FHIP1A: variants seen among roughly 807,000 people sequenced by gnomAD.
The protein encoded by FHIP1A is FHF complex subunit HOOK-interacting protein 1A.
A neutral mutation model predicts 88.6 loss-of-function variants in FHIP1A; 61 were observed. The observed-to-expected ratio is 0.69, with a 90% CI of 0.56 to 0.85. The LOEUF is 0.85. Among genes scored for constraint, FHIP1A ranks in the 40% least tolerant of loss-of-function variants. The probability of loss-of-function intolerance (pLI) is 0.00; values close to 1 mark genes in which losing one functional copy is unlikely to be tolerated. For missense variants in FHIP1A, 1,154 were observed against 1,273.5 expected (o/e 0.91, Z 1.43); for synonymous variants, 478 against 496.0 (o/e 0.96, Z 0.48).
At chr4:151,632,241 T>G (rs1370073914) in intron 8 of FHIP1A, among the ~76,000 whole-genome samples, 1 of 151,836 alleles carries the variant, frequency 6.6e-6, no homozygotes, top group African/African-American at 2.4e-5. Flanking sequence ...AATTCACTAG[T>G]AAGATATAAA....
Position 151,664,900 on chromosome 4 carries a change from G to T in FHIP1A, c.*2146G>T, listed in dbSNP as rs535043157. 6.6e-6 allele frequency among the ~76,000 whole-genome samples: 1 copy of T among 152,180 alleles called. No homozygotes were observed. Among genetic ancestry groups the T allele is most frequent in the South Asian group, 2.1e-4 (1 of 4,810 alleles). On this transcript the variant is annotated 3_prime_UTR_variant, in exon 14 of 14. Transcript: ENST00000435205. ...ATTGTAGAATACCATGGTCCCCTTT[G>T]TGGAAAGTTTCCTTTGGGAAAAGAT...
intron 1 of FHIP1A, among the ~76,000 whole-genome samples, chr4:151,440,521 A>C (rs1039190006): frequency 1.3e-5 from 2 of 152,108 alleles, no homozygotes; most frequent in Non-Finnish European, 2.9e-5. Flanking sequence ...TCCACCAATG[A>C]CACTACCTCC....
chr4:151,464,604 C>T (rs910661012), intron 2 of FHIP1A, among the ~76,000 whole-genome samples: 1 of 152,172 alleles, frequency 6.6e-6, no homozygotes, highest in African/African-American at 2.4e-5. Flanking sequence ...AACAAAACTG[C>T]TCCAAGTTCT....
intron 9 of FHIP1A, among the ~76,000 whole-genome samples, chr4:151,645,308 T>C (rs1480393412): frequency 5.3e-5 from 8 of 152,104 alleles, no homozygotes; most frequent in African/African-American, 1.9e-4. Context: ...ATATCATACC[T>C]GGAAAGTATT....
chr4:151,476,161 ATTTTT>A (rs564671344), intron 2 of FHIP1A, among the ~76,000 whole-genome samples: 5 of 111,520 alleles, frequency 4.5e-5, no homozygotes, highest in South Asian at 3.1e-4. Flanking sequence ...TGCTCGGCCG[ATTTTT>A]TTTTTTTTTT....
chr4:151,592,303 T>C (rs926014810), intron 7 of FHIP1A, among the ~76,000 whole-genome samples: 2 of 151,984 alleles, frequency 1.3e-5, no homozygotes, highest in African/African-American at 2.4e-5. Context: ...CCTGGCTAAT[T>C]TTTTGTATTT....
chr4:151,551,533 A>G (rs1732733079), intron 3 of FHIP1A, among the ~76,000 whole-genome samples: 2 of 152,180 alleles, frequency 1.3e-5, no homozygotes, highest in Admixed American at 1.3e-4. Flanking sequence ...AACACCACAC[A>G]TCTACAACCA....
intron 7 of FHIP1A, among the ~76,000 whole-genome samples, chr4:151,612,860 C>T (rs1489057175): frequency 6.6e-6 from 1 of 152,190 alleles, no homozygotes; most frequent in Non-Finnish European, 1.5e-5. Flanking sequence ...CACATGGAAT[C>T]CTTTTTATCA....
chr4:151,592,453 A>G (rs1276694031), intron 7 of FHIP1A, among the ~76,000 whole-genome samples: 1 of 152,206 alleles, frequency 6.6e-6, no homozygotes, highest in East Asian at 1.9e-4. Context: ...CTTTTTAATG[A>G]TTGCCATTCT....
chr4:151,642,835 T>C (rs1736640570), intron 9 of FHIP1A, among the ~76,000 whole-genome samples: 1 of 151,676 alleles, frequency 6.6e-6, no homozygotes, highest in Non-Finnish European at 1.5e-5. Flanking sequence ...GGGGAAATAG[T>C]GAAAATCAGG....
At chr4:151,564,498 C>G (rs1017945069) in intron 3 of FHIP1A, among the ~76,000 whole-genome samples, 3 of 152,164 alleles carry the variant, frequency 2.0e-5, no homozygotes, top group Non-Finnish European at 2.9e-5. Context: ...GTGGCAGGGA[C>G]TGTGGGGACG....
At chr4:151,533,650 T>G (rs1159606268) in intron 3 of FHIP1A, among the ~76,000 whole-genome samples, 2 of 152,140 alleles carry the variant, frequency 1.3e-5, no homozygotes, top group Admixed American at 1.3e-4. Flanking sequence ...GGTGTAGGGT[T>G]TTTTAACTAT....
At chr4:151,476,604 A>G (rs184609061) in intron 2 of FHIP1A, among the ~76,000 whole-genome samples, 45 of 152,290 alleles carry the variant, frequency 3.0e-4, no homozygotes, top group African/African-American at 9.4e-4. Flanking sequence ...AATGTTTACT[A>G]TTTTCACTAA....
chr4:151,665,757 A>G lies in FHIP1A; in HGVS notation c.*3003A>G, dbSNP rs1322851273. Among the ~76,000 whole-genome samples the G allele has an allele frequency of 6.6e-6, 1 of 152,226 alleles. No individual in the cohort carries two copies. Among genetic ancestry groups the G allele is most frequent in the Non-Finnish European group, 1.5e-5 (1 of 68,038 alleles). On this transcript the variant is annotated 3_prime_UTR_variant, in exon 14 of 14. Transcript: ENST00000435205. ...AGTAGAATATTCTGGTCCTAAAGTA[A>G]ATCGGCAAGCCCTTAGAAATATCTT...
At chr4:151,504,594 T>TATGTTATGTTATGTC (rs1272455209) in intron 3 of FHIP1A, among the ~76,000 whole-genome samples, 1 of 140,208 alleles carries the variant, frequency 7.1e-6, no homozygotes, top group African/African-American at 2.6e-5. Flanking sequence ...TATGTTATGT[T>TATGTTATGTTATGTC]ATGTTATGTT....
chr4:151,484,893 CAGGAATGTCTG>C (rs1427786733), intron 3 of FHIP1A, among the ~76,000 whole-genome samples: 2 of 152,052 alleles, frequency 1.3e-5, no homozygotes, highest in Non-Finnish European at 2.9e-5. Flanking sequence ...AATGTAATGC[CAGGAATGTCTG>C]AGTCATGCAG....
intron 3 of FHIP1A, among the ~76,000 whole-genome samples, chr4:151,517,908 A>G (rs1214551360): frequency 6.6e-6 from 1 of 152,222 alleles, no homozygotes; most frequent in Non-Finnish European, 1.5e-5. Flanking sequence ...GTGTTAATAC[A>G]GAGAGTCAAA....
intron 3 of FHIP1A, among the ~76,000 whole-genome samples, chr4:151,510,011 C>T (rs993416120): frequency 1.3e-5 from 2 of 152,146 alleles, no homozygotes; most frequent in African/African-American, 4.8e-5. Flanking sequence ...ATTGCTGTTC[C>T]TACTCTGGCC....
At chr4:151,452,931 GAAACGTATATATATATATAT>G (rs1728838103) in intron 1 of FHIP1A, among the ~76,000 whole-genome samples, 2 of 133,636 alleles carry the variant, frequency 1.5e-5, no homozygotes, top group South Asian at 4.6e-4. Context: ...TGCAGACATT[GAAACGTATATATATATATAT>G]ACATACACAC....
Sources: allele counts gnomAD v4.1 joint callset (sites outside exome capture counted in the v4.1 genomes callset), GRCh38; gene constraint gnomAD v4.1.1; transcripts MANE v1.5; gene names NCBI Gene and HGNC (gene_info 2026-07-23, HGNC 2026-07-21).